Variants in WWTR1 observed in about 807,000 individuals in gnomAD.
The protein encoded by WWTR1 is WW domain containing transcription regulator 1, also known as WW domain-containing transcription regulator protein 1.
WWTR1 carries 13 observed loss-of-function variants against 40.1 expected under a neutral mutation model. The ratio of observed to expected loss-of-function variants is 0.32; its 90% CI spans 0.21 to 0.52. The LOEUF (loss-of-function observed/expected upper bound fraction) is 0.52, where lower values mean the gene tolerates loss of function less well. WWTR1 is among the 20% of genes least tolerant of loss of function. The pLI, the probability that WWTR1 is intolerant of heterozygous loss-of-function variation, is 0.97. For synonymous variants in WWTR1, 230 were observed against 210.1 expected, an observed-to-expected ratio of 1.09 and a Z score of -0.82; for missense variants, 436 against 523.1, an observed-to-expected ratio of 0.83 and a Z score of 1.63.
At chr3:149,693,301 C>A (rs1714881847) in intron 1 of WWTR1, among the ~76,000 whole-genome samples, 1 of 151,972 alleles carries the variant, frequency 6.6e-6, no homozygotes, top group Admixed American at 6.6e-5. Flanking sequence ...ACCATGACAA[C>A]TATAAAACAT....
chr3:149,629,492 C>T (rs940511005), intron 2 of WWTR1, among the ~76,000 whole-genome samples: 2 of 152,146 alleles, frequency 1.3e-5, no homozygotes, highest in African/African-American at 4.8e-5. Flanking sequence ...CCCGCTAGAC[C>T]CTGTGGTTTC....
At chr3:149,524,556 G>C (rs919184415) in intron 6 of WWTR1, among the ~76,000 whole-genome samples, 6 of 151,998 alleles carry the variant, frequency 3.9e-5, no homozygotes, top group Non-Finnish European at 5.9e-5. Context: ...GGTGGTGGGG[G>C]AAGAACTGAA....
At chr3:149,606,190 G>A (rs1739476890) in intron 2 of WWTR1, among the ~76,000 whole-genome samples, 1 of 152,184 alleles carries the variant, frequency 6.6e-6, no homozygotes, top group Non-Finnish European at 1.5e-5. Flanking sequence ...ATAAATGTTT[G>A]TTGTTTCCTG....
chr3:149,618,319 G>C (rs1036786472), intron 2 of WWTR1, among the ~76,000 whole-genome samples: 1 of 152,194 alleles, frequency 6.6e-6, no homozygotes, highest in African/African-American at 2.4e-5. Flanking sequence ...CGGGCATGCT[G>C]GTGGGGTCAG....
At chr3:149,647,832 C>T (rs1033377602) in intron 2 of WWTR1, among the ~76,000 whole-genome samples, 3 of 152,254 alleles carry the variant, frequency 2.0e-5, no homozygotes, top group Admixed American at 6.5e-5. Context: ...AGCTAGGACT[C>T]GTGTATCTCA....
At chr3:149,707,375 T>C (rs941558343), upstream of WWTR1, among the ~76,000 whole-genome samples, 1 of 152,204 alleles carries the variant, frequency 6.6e-6, no homozygotes, top group African/African-American at 2.4e-5. Flanking sequence ...CAGTCTGTTT[T>C]GGTGACTTAA....
intron 2 of WWTR1, among the ~76,000 whole-genome samples, chr3:149,606,061 C>T (rs953928972): frequency 1.3e-5 from 2 of 152,152 alleles, no homozygotes; most frequent in Admixed American, 6.5e-5. Context: ...GCTTGTTTAT[C>T]CCTTCTACCA....
At chr3:149,672,727 A>T (rs1372788789) in intron 1 of WWTR1, among the ~76,000 whole-genome samples, 1 of 151,560 alleles carries the variant, frequency 6.6e-6, no homozygotes, top group African/African-American at 2.4e-5. Context: ...TATATAAAAA[A>T]TCTTTCTATA....
At chr3:149,672,950 T>C (rs533226042) in intron 1 of WWTR1, among the ~76,000 whole-genome samples, 4 of 152,146 alleles carry the variant, frequency 2.6e-5, no homozygotes, top group African/African-American at 7.2e-5. Context: ...ATCCAGCTGT[T>C]TTTAGAACTT....
intron 3 of WWTR1, among the ~76,000 whole-genome samples, chr3:149,567,339 A>G (rs981446318): frequency 6.6e-6 from 1 of 152,162 alleles, no homozygotes; most frequent in African/African-American, 2.4e-5. Context: ...TGCAGAGGGG[A>G]AAATGTTCTT....
intron 2 of WWTR1, among the ~76,000 whole-genome samples, chr3:149,598,121 A>G (rs2108044559): frequency 6.6e-6 from 1 of 152,286 alleles, no homozygotes; most frequent in Admixed American, 6.5e-5. Context: ...TTTGACCTAC[A>G]ATGTACCAGA....
intron 2 of WWTR1, among the ~76,000 whole-genome samples, chr3:149,656,067 T>A (rs1315195518): frequency 6.6e-6 from 1 of 152,206 alleles, no homozygotes. Context: ...AATGTAGTTA[T>A]CTTAGGGTAC....
At chr3:149,592,727 C>T (rs779937669) in intron 2 of WWTR1, among the ~76,000 whole-genome samples, 4 of 152,030 alleles carry the variant, frequency 2.6e-5, no homozygotes, top group Non-Finnish European at 2.9e-5. Flanking sequence ...TTTAATCGTC[C>T]GCTGTATTTT....
intron 2 of WWTR1, 66 bp downstream of exon 2, chr3:149,656,810 C>CACAT (rs1713251877): frequency 7.0e-7 from 1 of 1,423,024 alleles, no homozygotes; most frequent in Non-Finnish European, 9.3e-7. Context: ...CACACACACA[C>CACAT]ACACGAACAC....
intron 2 of WWTR1, among the ~76,000 whole-genome samples, chr3:149,632,173 A>G (rs1353616456): frequency 6.6e-6 from 1 of 152,218 alleles, no homozygotes; most frequent in East Asian, 1.9e-4. Context: ...TCAGCCTCGC[A>G]AAGTACTGGG....
chr3:149,604,188 C>T (rs1042683576), intron 2 of WWTR1, among the ~76,000 whole-genome samples: 1 of 152,180 alleles, frequency 6.6e-6, no homozygotes, highest in African/African-American at 2.4e-5. Flanking sequence ...ACTTTATAGG[C>T]TAAGGACCTG....
chr3:149,652,765 T>G lies in WWTR1; in HGVS notation c.431+4111A>C, dbSNP rs564044021. On this transcript the variant is annotated intron_variant, in intron 2 of 6. Coordinates refer to ENST00000360632, the MANE Select transcript of WWTR1 (RefSeq NM_015472.6). ...AAGAAAACTAGCTTAAAGAGCTACA[T>G]TCTCACTTTCATATCAGGTGCTAAA... 8.6e-5 allele frequency among the ~76,000 whole-genome samples: 13 copies of G among 151,298 alleles called. No homozygotes were observed. In the South Asian group the frequency reaches 2.5e-3, roughly 29 times the overall value.
At chr3:149,627,272 C>G (rs996953742) in intron 2 of WWTR1, among the ~76,000 whole-genome samples, 1 of 152,158 alleles carries the variant, frequency 6.6e-6, no homozygotes, top group African/African-American at 2.4e-5. Flanking sequence ...ATGATCTATT[C>G]CCCTTCTCTC....
At chr3:149,668,146 T>C (rs1200042720) in intron 2 of WWTR1, among the ~76,000 whole-genome samples, 1 of 152,198 alleles carries the variant, frequency 6.6e-6, no homozygotes, top group African/African-American at 2.4e-5. Context: ...AGCCTCTAGA[T>C]TTTTAGGTAT....
Sources: allele counts gnomAD v4.1 joint callset (sites outside exome capture counted in the v4.1 genomes callset), GRCh38; gene constraint gnomAD v4.1.1; transcripts MANE v1.5; gene names NCBI Gene and HGNC (gene_info 2026-07-23, HGNC 2026-07-21).